Variants in NPHP1 observed in about 807,000 individuals in gnomAD.
NPHP1 encodes nephrocystin 1.
In NPHP1, 70 loss-of-function variants were observed where a neutral mutation model predicts 90.4. That is an observed-to-expected ratio of 0.77 (90% CI 0.64 to 0.95). NPHP1 has a LOEUF of 0.95. Among genes scored for constraint, NPHP1 ranks in the 40% least tolerant of loss-of-function variants. The pLI is 0.00. For synonymous variants in NPHP1, 256 were observed against 271.7 expected (o/e 0.94, Z 0.57); for missense variants, 764 against 795.9 (o/e 0.96, Z 0.48).
At chr2:110,184,775 C>A (rs1433524457) in intron 2 of NPHP1, 3 of 711,352 alleles carry the variant, frequency 4.2e-6, no homozygotes, top group Non-Finnish European at 7.9e-6. Flanking sequence ...GGAAGAGACA[C>A]TAGAGACAGA....
chr2:110,150,607 T>G (rs534553592), intron 11 of NPHP1, among the ~76,000 whole-genome samples: 1 of 152,092 alleles, frequency 6.6e-6, no homozygotes, highest in South Asian at 2.1e-4. Context: ...TGGAATGCAG[T>G]GGCATGATCT....
chr2:110,174,073 T>C (rs970676460), intron 4 of NPHP1, among the ~76,000 whole-genome samples: 4 of 152,172 alleles, frequency 2.6e-5, no homozygotes, highest in Non-Finnish European at 4.4e-5. Flanking sequence ...ATCTTTGTTG[T>C]AGAACATGGA....
chr2:110,126,142 T>C (rs1679348669), intron 18 of NPHP1: 1 of 201,802 alleles, frequency 5.0e-6, no homozygotes, highest in Non-Finnish European at 1.0e-5. Context: ...ATATTTCTAA[T>C]CTGTCCACAG....
intron 16 of NPHP1, among the ~76,000 whole-genome samples, chr2:110,132,234 G>C (rs1431042873): frequency 6.6e-6 from 1 of 152,164 alleles, no homozygotes; most frequent in Admixed American, 6.5e-5. Context: ...AATAAGTCCT[G>C]ACTTTGTCAC....
intron 12 of NPHP1, among the ~76,000 whole-genome samples, 198 bp from the exon 13 acceptor site, chr2:110,148,224 G>C (rs575860268): frequency 2.0e-5 from 3 of 151,962 alleles, no homozygotes; most frequent in African/African-American, 7.3e-5. Context: ...CAGAGAGTTC[G>C]TTCTCAGGAG....
At chr2:110,130,076 G>A (rs1679674159) in intron 17 of NPHP1, among the ~76,000 whole-genome samples, 1 of 152,146 alleles carries the variant, frequency 6.6e-6, no homozygotes, top group Non-Finnish European at 1.5e-5. Context: ...GAAGGCAAAA[G>A]GGTGAGACGA....
At chr2:110,200,233 C>G (rs1030736390) in intron 2 of NPHP1, among the ~76,000 whole-genome samples, 1 of 137,274 alleles carries the variant, frequency 7.3e-6, no homozygotes, top group Non-Finnish European at 1.6e-5. Flanking sequence ...CCAGCCTGGG[C>G]GACAGAGAGA....
At chr2:110,139,014 G>C (rs1191290815) in intron 16 of NPHP1, among the ~76,000 whole-genome samples, 13 of 152,038 alleles carry the variant, frequency 8.6e-5, no homozygotes, top group Non-Finnish European at 1.2e-4. Flanking sequence ...AATTAAGTAA[G>C]TAAAAATATA....
At position 110,129,717 on chromosome 2, in the gene NPHP1, C is replaced by G. The variant is rs1023340035; in HGVS notation, c.1643-458G>C. ...GGCCACCAGCGCTCAGGGAAGGACC[C>G]AAACTTGTGTCTGGAGCCAGCAGAC... On this transcript the variant is annotated intron_variant, in intron 17 of 19. Transcript: ENST00000445609. 1.3e-5 allele frequency among the ~76,000 whole-genome samples: 2 copies of G among 152,124 alleles called. 1 individual carries two copies. Among genetic ancestry groups the G allele is most frequent in the South Asian group, 4.1e-4 (2 of 4,820 alleles).
At chr2:110,146,917 C>G in intron 13 of NPHP1, 82 bp from the exon 14 acceptor site, 1 of 945,916 alleles carries the variant, frequency 1.1e-6, no homozygotes, top group South Asian at 1.3e-5. Flanking sequence ...TTTAAAGGAA[C>G]AAAATTAGTA....
intron 2 of NPHP1, among the ~76,000 whole-genome samples, chr2:110,190,286 G>A (rs570628873): frequency 5.6e-4 from 86 of 152,290 alleles, no homozygotes; most frequent in Non-Finnish European, 1.1e-3. Context: ...AGCAGGGGGT[G>A]GCACTTGTCA....
rs139901700 is a variant in NPHP1 at position 110,123,585 on chromosome 2, G to C, written c.*206C>G. On this transcript the variant is annotated 3_prime_UTR_variant, in exon 20 of 20. Transcript: ENST00000445609. ...ATACTGTTTAAATTTAGATATAACA[G>C]TATTCCTTATAAAAATTTATTTTAT... The C allele has an allele frequency of 5.9e-4, 319 of 542,970 alleles. 1 individual carries two copies. The highest frequency in any genetic ancestry group is 5.7e-3 in the African/African-American group (304 of 53,226). The allele number at this position is 542,970 out of a possible 1,614,324, so 33.6% of individuals were successfully genotyped here.
At chr2:110,151,145 G>A (rs565843168) in intron 11 of NPHP1, among the ~76,000 whole-genome samples, 5 of 128,340 alleles carry the variant, frequency 3.9e-5, no homozygotes, top group African/African-American at 8.6e-5. Context: ...CAGCCTGAGC[G>A]ATGGAGCAAG....
rs376420913 is a variant in NPHP1, at chr2:110,152,093, G to A, written c.1084-1837C>T. ...TCACACTGCTTTCTGTGCAAAACCAGACCCAAAGAATGAAGAACTGAAGAG... is the reference window on the plus strand; with the variant it reads ...TCACACTGCTTTCTGTGCAAAACCAAACCCAAAGAATGAAGAACTGAAGAG... On this transcript the variant is annotated intron_variant, in intron 11 of 19. Coordinates refer to ENST00000445609, the MANE Select transcript of NPHP1 (RefSeq NM_001128178.3). Among the ~76,000 whole-genome samples the A allele has an allele frequency of 9.3e-4, 142 of 152,224 alleles. 1 individual carries two copies. The highest frequency in any genetic ancestry group is 3.3e-3 in the African/African-American group (139 of 41,542).
At chr2:110,193,876 T>C (rs1372767292) in intron 2 of NPHP1, among the ~76,000 whole-genome samples, 1 of 151,882 alleles carries the variant, frequency 6.6e-6, no homozygotes, top group Non-Finnish European at 1.5e-5. Flanking sequence ...CTAAACCACA[T>C]GGAAACTGAA....
At chr2:110,193,278 C>T (rs1324909973) in intron 2 of NPHP1, among the ~76,000 whole-genome samples, 1 of 152,060 alleles carries the variant, frequency 6.6e-6, no homozygotes, top group Non-Finnish European at 1.5e-5. Context: ...TGTACAGAGA[C>T]ACACATAGGC....
chr2:110,135,403 G>GGAGGCGGAGCTT, intron 16 of NPHP1, among the ~76,000 whole-genome samples: 1 of 148,970 alleles, frequency 6.7e-6, no homozygotes, highest in African/African-American at 2.5e-5. Context: ...CGTGAACCCG[G>GGAGGCGGAGCTT]GAGGCGGAGC....
At chr2:110,196,588 C>T (rs1250955588) in intron 2 of NPHP1, among the ~76,000 whole-genome samples, 1 of 152,178 alleles carries the variant, frequency 6.6e-6, no homozygotes, top group East Asian at 1.9e-4. Context: ...TTGTGGAAGT[C>T]AGTGTGGCGA....
At chr2:110,153,174 C>T (rs944910185) in intron 11 of NPHP1, among the ~76,000 whole-genome samples, 1 of 152,068 alleles carries the variant, frequency 6.6e-6, no homozygotes, top group African/African-American at 2.4e-5. Flanking sequence ...TTTCAAGTGT[C>T]AAACAAAAAT....
Sources: allele counts gnomAD v4.1 joint callset (sites outside exome capture counted in the v4.1 genomes callset), GRCh38; gene constraint gnomAD v4.1.1; transcripts MANE v1.5; gene names NCBI Gene and HGNC (gene_info 2026-07-23, HGNC 2026-07-21).